INSC: variants seen among roughly 807,000 people sequenced by gnomAD.
The protein encoded by INSC is INSC spindle orientation adaptor protein, also known as protein inscuteable homolog.
INSC carries 67 observed loss-of-function variants against 58.6 expected under a neutral mutation model. The ratio of observed to expected loss-of-function variants is 1.14; its 90% CI spans 0.94 to 1.40. The LOEUF (loss-of-function observed/expected upper bound fraction) is 1.40. INSC is among the 40% of genes most tolerant of loss of function. The probability of loss-of-function intolerance (pLI) is 0.00; values close to 1 mark genes in which losing one functional copy is unlikely to be tolerated. For synonymous variants in INSC, 262 were observed against 276.1 expected (o/e 0.95, Z 0.51); for missense variants, 714 against 692.0 (o/e 1.03, Z -0.36).
intron 2 of INSC, among the ~76,000 whole-genome samples, chr11:15,150,230 A>G (rs955069302): frequency 8.5e-5 from 13 of 152,222 alleles, no homozygotes; most frequent in Non-Finnish European, 1.8e-4. Context: ...TGCATGGTCC[A>G]CATACACAGA....
chr11:15,132,496 A>G (rs2133707317), intron 1 of INSC, among the ~76,000 whole-genome samples: 1 of 152,280 alleles, frequency 6.6e-6, no homozygotes, highest in East Asian at 1.9e-4. Context: ...TATGTTGCCC[A>G]GGCTGATCTT....
chr11:15,194,613 G>A (rs1850304451), intron 6 of INSC, among the ~76,000 whole-genome samples: 1 of 152,208 alleles, frequency 6.6e-6, no homozygotes, highest in Admixed American at 6.5e-5. Flanking sequence ...TTTGAGTGTT[G>A]CTGTGTTCTG....
intron 5 of INSC, among the ~76,000 whole-genome samples, chr11:15,178,709 G>A (rs1300670001): frequency 6.6e-6 from 1 of 152,084 alleles, no homozygotes; most frequent in East Asian, 1.9e-4. Flanking sequence ...CTTATCCAAG[G>A]TCACACAGCA....
Position 15,200,808 on chromosome 11 carries a change from T to G in INSC, c.694-16T>G. ...GTCACACAGTAAGATGATGTGACAT[T>G]TCTTTCTCTTGGCAGGAGGGTGGGG... On this transcript the variant is annotated splice_polypyrimidine_tract_variant and intron_variant, in intron 6 of 12. Transcript: ENST00000379556. The G allele has an allele frequency of 3.1e-6, 5 of 1,613,956 alleles. No homozygotes were observed. The South Asian group carries it at 5.5e-5, about 18-fold the overall frequency.
intron 1 of INSC, among the ~76,000 whole-genome samples, chr11:15,126,056 C>A (rs1323497429): frequency 6.6e-6 from 1 of 152,104 alleles, no homozygotes; most frequent in Admixed American, 6.5e-5. Flanking sequence ...GAAACAGGGT[C>A]TGGAGAAGTA....
chr11:15,134,024 A>AG (rs35101876), intron 1 of INSC, among the ~76,000 whole-genome samples: 82,943 of 151,908 alleles, frequency 0.55, 22,912 homozygotes, highest in Non-Finnish European at 0.59. Flanking sequence ...AAGAGAAGGT[A>AG]AGTCTTCATC....
chr11:15,177,564 T>C (rs1222659103), intron 4 of INSC, among the ~76,000 whole-genome samples: 1 of 152,192 alleles, frequency 6.6e-6, no homozygotes, highest in Non-Finnish European at 1.5e-5. Context: ...CACTTTCTCA[T>C]ATACAGATAT....
intron 6 of INSC, among the ~76,000 whole-genome samples, chr11:15,195,719 G>C (rs1209223441): frequency 6.6e-6 from 1 of 152,214 alleles, no homozygotes; most frequent in East Asian, 1.9e-4. Flanking sequence ...TCCAGTGGTA[G>C]AAAGCAGGGG....
intron 1 of INSC, among the ~76,000 whole-genome samples, chr11:15,117,695 C>T (rs1316372287): frequency 6.6e-6 from 1 of 152,166 alleles, no homozygotes; most frequent in Non-Finnish European, 1.5e-5. Context: ...TTCTATTGGT[C>T]TCTGGGGATG....
At chr11:15,123,815 T>C (rs1847927677) in intron 1 of INSC, among the ~76,000 whole-genome samples, 1 of 152,204 alleles carries the variant, frequency 6.6e-6, no homozygotes, top group South Asian at 2.1e-4. Flanking sequence ...CTTGGGGACT[T>C]GTATAAAATA....
At chr11:15,260,923 T>C in the INSC span, among the ~76,000 whole-genome samples, 1 of 152,190 alleles carries the variant, frequency 6.6e-6, no homozygotes, top group East Asian at 1.9e-4. Context: ...CTAAAGATAT[T>C]GGGTGCCTGT....
chr11:15,221,381 A>C (rs991912761), intron 7 of INSC, 96 bp from the exon 8 acceptor site: 9 of 1,415,750 alleles, frequency 6.4e-6, no homozygotes, highest in African/African-American at 5.7e-5. Flanking sequence ...GCTGGCTTCC[A>C]TGTAGTGGGG....
the INSC span, among the ~76,000 whole-genome samples, chr11:15,262,119 T>C: frequency 1.3e-5 from 2 of 152,112 alleles, no homozygotes; most frequent in South Asian, 4.1e-4. Context: ...AATAGGCAGG[T>C]GGCAGCTTGG....
Position 15,169,927 on chromosome 11 carries a change from C to T in INSC, c.57-5814C>T, listed in dbSNP as rs1037880640. On this transcript the variant is annotated intron_variant, in intron 2 of 12. Transcript: ENST00000379556. ...CCATTACTATGAACTAAACTCTAGA[C>T]ATTGCAGTTGTCCCTTGGCATCCAT... is the stretch of plus-strand genomic sequence containing the variant. Among the ~76,000 whole-genome samples, 14 of 152,294 alleles carry T rather than the reference C, an allele frequency of 9.2e-5. 1 individual carries two copies. The Middle Eastern group carries it at 0.01, about 111-fold the overall frequency.
intron 5 of INSC, among the ~76,000 whole-genome samples, chr11:15,186,438 G>A (rs1484165835): frequency 1.3e-5 from 2 of 152,010 alleles, no homozygotes; most frequent in East Asian, 1.9e-4. Context: ...ATTTCCCTTC[G>A]CTTTCTGACA....
intron 7 of INSC, among the ~76,000 whole-genome samples, chr11:15,204,724 G>C (rs1169262603): frequency 6.6e-6 from 1 of 152,228 alleles, no homozygotes; most frequent in Non-Finnish European, 1.5e-5. Context: ...GGCATGGTTC[G>C]TGGCCAAATT....
At chr11:15,179,248 C>T (rs1207139201) in intron 5 of INSC, among the ~76,000 whole-genome samples, 2 of 152,176 alleles carry the variant, frequency 1.3e-5, no homozygotes, top group Non-Finnish European at 2.9e-5. Flanking sequence ...GGGTTAAATA[C>T]ATGTTATTTC....
At chr11:15,269,659 A>G in the INSC span, among the ~76,000 whole-genome samples, 1 of 152,000 alleles carries the variant, frequency 6.6e-6, no homozygotes. Flanking sequence ...ATAGCATCCT[A>G]CATGATCTTG....
chr11:15,252,548 G>A, the INSC span, among the ~76,000 whole-genome samples: 2 of 152,140 alleles, frequency 1.3e-5, no homozygotes, highest in African/African-American at 4.8e-5. Context: ...CTCTCCGCAG[G>A]CTGCTTCAGC....
Sources: gnomAD v4.1 joint callset for allele counts (sites outside exome capture counted in the v4.1 genomes callset) on GRCh38, gnomAD v4.1.1 for gene constraint, MANE v1.5 for transcripts, NCBI Gene and HGNC (gene_info 2026-07-23, HGNC 2026-07-21) for gene names.